MOB3B: variants seen among roughly 807,000 people sequenced by gnomAD.
MOB3B encodes MOB kinase activator 3B, also known as MOB kinase activator-like 2B.
A neutral mutation model predicts 18.7 loss-of-function variants in MOB3B; 7 were observed. The ratio of observed to expected loss-of-function variants is 0.37; its 90% CI spans 0.21 to 0.70. The LOEUF is 0.70. MOB3B is among the 30% of genes least tolerant of loss of function. The pLI is 0.52. For missense variants in MOB3B, 253 were observed against 281.3 expected (o/e 0.90, Z 0.72); for synonymous variants, 111 against 99.9 (o/e 1.11, Z -0.66).
intron 3 of MOB3B, among the ~76,000 whole-genome samples, chr9:27,354,683 A>C (rs1465976304): frequency 1.3e-5 from 2 of 152,194 alleles, no homozygotes; most frequent in Non-Finnish European, 2.9e-5. Flanking sequence ...TCAAAAACAT[A>C]TTAAGCATTT....
chr9:27,478,855 C>T (rs1183170144), intron 1 of MOB3B, among the ~76,000 whole-genome samples: 2 of 114,368 alleles, frequency 1.7e-5, no homozygotes, highest in African/African-American at 3.7e-5. Context: ...ACACACACAG[C>T]GGTAAATGGC....
rs528095944 is a variant in MOB3B, at chr9:27,349,092, G to A, written c.621+9942C>T. On this transcript the variant is annotated intron_variant, in intron 3 of 3. Transcript: ENST00000262244. ...CTCCAGGCATTATTCTTGTCTATTG[G>A]TCCATTTACACTTAGATGCACAATG... Among the ~76,000 whole-genome samples the A allele has an allele frequency of 4.6e-5, 7 of 152,144 alleles. 1 individual carries two copies. Among genetic ancestry groups the A allele is most frequent in the South Asian group, 4.1e-4 (2 of 4,830 alleles).
chr9:27,498,074 C>G (rs1403688718), intron 1 of MOB3B, among the ~76,000 whole-genome samples: 1 of 152,264 alleles, frequency 6.6e-6, no homozygotes. Context: ...CCAACTCCCC[C>G]TCCCTGCACT....
chr9:27,413,119 A>T (rs1030156522), intron 2 of MOB3B, among the ~76,000 whole-genome samples: 5 of 152,238 alleles, frequency 3.3e-5, no homozygotes, highest in Admixed American at 2.6e-4. Context: ...CCAAAATAGC[A>T]GTCAGTAGTG....
At chr9:27,357,146 G>GTATATATATATATATATATATATATATA (rs201108645) in intron 3 of MOB3B, among the ~76,000 whole-genome samples, 17 of 48,100 alleles carry the variant, frequency 3.5e-4, no homozygotes, top group Admixed American at 6.9e-4. Context: ...ATATATATAT[G>GTATATATATATATATATATATATATATA]TGTTTTTTTT....
chr9:27,508,171 C>T (rs112062463), intron 1 of MOB3B, among the ~76,000 whole-genome samples: 1 of 152,128 alleles, frequency 6.6e-6, no homozygotes, highest in Non-Finnish European at 1.5e-5. Flanking sequence ...TGGACAAGTT[C>T]CTGAAGAAAG....
intron 2 of MOB3B, among the ~76,000 whole-genome samples, chr9:27,360,739 T>C (rs1455655139): frequency 6.6e-6 from 1 of 152,172 alleles, no homozygotes; most frequent in Non-Finnish European, 1.5e-5. Context: ...AGAAGGAACA[T>C]GTCTGGCAGG....
At chr9:27,352,588 G>A (rs186446670) in intron 3 of MOB3B, among the ~76,000 whole-genome samples, 48 of 152,124 alleles carry the variant, frequency 3.2e-4, no homozygotes, top group African/African-American at 1.1e-3. Flanking sequence ...TGCACTTCCT[G>A]TGTGTGTGTG....
intron 1 of MOB3B, among the ~76,000 whole-genome samples, chr9:27,496,902 C>G (rs1338819679): frequency 1.3e-5 from 2 of 152,216 alleles, no homozygotes; most frequent in African/African-American, 4.8e-5. Context: ...ATGTTTTCCT[C>G]CAGAAGAGTT....
chr9:27,372,644 G>A (rs1821440531), intron 2 of MOB3B, among the ~76,000 whole-genome samples: 1 of 152,100 alleles, frequency 6.6e-6, no homozygotes. Flanking sequence ...TAACCCATAA[G>A]CCCTATCTAA....
chr9:27,364,710 A>T (rs1821319139), intron 2 of MOB3B, among the ~76,000 whole-genome samples: 1 of 152,232 alleles, frequency 6.6e-6, no homozygotes, highest in Admixed American at 6.5e-5. Flanking sequence ...TTTGTAGCTT[A>T]GGGTGTTGTG....
chr9:27,347,245 T>C (rs16911423), intron 3 of MOB3B, among the ~76,000 whole-genome samples: 4,505 of 152,352 alleles, frequency 0.03, 178 homozygotes, highest in African/African-American at 0.088. Flanking sequence ...GGTTCCAGCT[T>C]CACCCAGCAA....
chr9:27,459,876 CAAAAAAAAAAAA>C (rs35792761), intron 1 of MOB3B, among the ~76,000 whole-genome samples: 1 of 86,742 alleles, frequency 1.2e-5, no homozygotes, highest in African/African-American at 4.5e-5. Flanking sequence ...TTTCAGTCTC[CAAAAAAAAAAAA>C]AAAAAAAAAA....
chr9:27,342,490 C>T (rs1416067605), intron 3 of MOB3B, among the ~76,000 whole-genome samples: 2 of 151,820 alleles, frequency 1.3e-5, no homozygotes, highest in African/African-American at 2.4e-5. Context: ...TCCCCGGTCT[C>T]CCTCTGATGC....
At chr9:27,416,941 C>T (rs1444727461) in intron 2 of MOB3B, among the ~76,000 whole-genome samples, 2 of 152,080 alleles carry the variant, frequency 1.3e-5, no homozygotes, top group Admixed American at 6.5e-5. Flanking sequence ...CACCTGTTAC[C>T]GTTAGTTACA....
intron 2 of MOB3B, among the ~76,000 whole-genome samples, chr9:27,389,424 AT>A (rs1436076503): frequency 6.6e-6 from 1 of 151,968 alleles, no homozygotes; most frequent in Non-Finnish European, 1.5e-5. Context: ...TTACTTGAAC[AT>A]GCCGAGAGCT....
intron 2 of MOB3B, among the ~76,000 whole-genome samples, chr9:27,429,267 A>G (rs549372466): frequency 3.9e-5 from 6 of 152,300 alleles, no homozygotes; most frequent in East Asian, 1.9e-4. Context: ...GGAAAGCCCA[A>G]TGAAATATGG....
Position 27,491,119 on chromosome 9 carries a change from G to A in MOB3B, c.-198-35371C>T, listed in dbSNP as rs143868268. Reference sequence around the variant, plus strand: ...TTTGTATATATTATTTCTTCGGAACGATGAGATAATTATGTAGTTTGGTTA... The same window carrying A: ...TTTGTATATATTATTTCTTCGGAACAATGAGATAATTATGTAGTTTGGTTA... On this transcript the variant is annotated intron_variant, in intron 1 of 3. Transcript: ENST00000262244. 1.1e-4 allele frequency among the ~76,000 whole-genome samples: 17 copies of A among 152,126 alleles called. No individual in the cohort carries two copies. In the East Asian group the frequency reaches 1.4e-3, roughly 12 times the overall value.
At chr9:27,392,748 C>T (rs987770093) in intron 2 of MOB3B, among the ~76,000 whole-genome samples, 2 of 152,208 alleles carry the variant, frequency 1.3e-5, no homozygotes, top group Admixed American at 6.5e-5. Context: ...CAATTCTAAG[C>T]TCTTCCTCTT....
Sources: allele counts gnomAD v4.1 joint callset (sites outside exome capture counted in the v4.1 genomes callset), GRCh38; gene constraint gnomAD v4.1.1; transcripts MANE v1.5; gene names NCBI Gene and HGNC (gene_info 2026-07-23, HGNC 2026-07-21).